MAPK4: variants seen among roughly 807,000 people sequenced by gnomAD.
MAPK4 encodes mitogen-activated protein kinase 4.
Under a neutral mutation model 47.7 loss-of-function variants are expected in MAPK4, and 22 were observed. The observed-to-expected ratio is 0.46, with a 90% CI of 0.33 to 0.66. The LOEUF is 0.66. Ranked by LOEUF, MAPK4 falls within the 30% of genes least tolerant of loss-of-function variation. The pLI is 0.02. For synonymous variants in MAPK4, 390 were observed against 365.7 expected (o/e 1.07, Z -0.76); for missense variants, 736 against 831.7 (o/e 0.88, Z 1.42).
Position 50,729,434 on chromosome 18 carries a change from G to T in MAPK4, c.1344G>T (p.Pro448=). The part of the protein sequence containing the change: ...LDKLLWRDNK[P]HHYSEPKLIL... ...AGCTGCTGTGGCGCGACAACAAGCC[G>T]CACCACTACTCGGAGCCCAAGCTCA... The change falls in exon 6 of 6, where the codon CCG becomes CCT. Residue 448 remains proline (P), a synonymous_variant. Coordinates refer to ENST00000400384, the MANE Select transcript of MAPK4 (RefSeq NM_002747.4). 1.3e-6 allele frequency: 2 copies of T among 1,543,650 alleles called. No homozygotes were observed. The highest frequency in any genetic ancestry group is 1.7e-6 in the Non-Finnish European group (2 of 1,143,092).
At chr18:50,621,017 G>A (rs1299718232) in intron 1 of MAPK4, among the ~76,000 whole-genome samples, 3 of 152,138 alleles carry the variant, frequency 2.0e-5, no homozygotes. Flanking sequence ...GAAAAACAGT[G>A]CTTAACTTTA....
At chr18:50,661,992 G>A (rs1051400026) in intron 1 of MAPK4, among the ~76,000 whole-genome samples, 1 of 152,214 alleles carries the variant, frequency 6.6e-6, no homozygotes, top group Non-Finnish European at 1.5e-5. Flanking sequence ...CAGGCGATCT[G>A]ATTGTTTACT....
intron 1 of MAPK4, among the ~76,000 whole-genome samples, chr18:50,658,084 TG>T (rs1048802415): frequency 1.1e-4 from 17 of 152,012 alleles, no homozygotes; most frequent in African/African-American, 4.1e-4. Context: ...TGATGGAAGG[TG>T]GGGGTGTGGT....
intron 1 of MAPK4, among the ~76,000 whole-genome samples, chr18:50,607,013 C>A (rs2042588613): frequency 6.6e-6 from 1 of 152,210 alleles, no homozygotes; most frequent in Admixed American, 6.5e-5. Context: ...ATAAACCTGG[C>A]AGTGTTAAGC....
At chr18:50,634,384 A>G (rs1436004648) in intron 1 of MAPK4, among the ~76,000 whole-genome samples, 5 of 148,154 alleles carry the variant, frequency 3.4e-5, no homozygotes, top group African/African-American at 1.3e-4. Context: ...GAACAAGGTG[A>G]GGTCAGTTCC....
chr18:50,647,671 C>T (rs1398878135), intron 1 of MAPK4, among the ~76,000 whole-genome samples: 1 of 152,116 alleles, frequency 6.6e-6, no homozygotes, highest in Non-Finnish European at 1.5e-5. Flanking sequence ...TAGTTTATTC[C>T]TTTTTCCACA....
chr18:50,724,807 C>A (rs962341670), intron 4 of MAPK4, among the ~76,000 whole-genome samples: 47 of 152,224 alleles, frequency 3.1e-4, no homozygotes, highest in African/African-American at 1.1e-3. Context: ...GAGGGAGCTC[C>A]TCGGAGGGAT....
At chr18:50,571,766 A>G (rs1018848307) in intron 1 of MAPK4, among the ~76,000 whole-genome samples, 5 of 152,220 alleles carry the variant, frequency 3.3e-5, no homozygotes, top group Non-Finnish European at 7.3e-5. Flanking sequence ...TGCCTTTTCA[A>G]TAACATATGT....
intron 1 of MAPK4, among the ~76,000 whole-genome samples, chr18:50,648,209 A>G (rs2043009723): frequency 6.6e-6 from 1 of 152,026 alleles, no homozygotes; most frequent in Non-Finnish European, 1.5e-5. Flanking sequence ...TGTCAGGGTA[A>G]CATTTCAGCA....
chr18:50,676,119 T>C (rs1908255778), intron 2 of MAPK4, among the ~76,000 whole-genome samples: 1 of 152,208 alleles, frequency 6.6e-6, no homozygotes, highest in Non-Finnish European at 1.5e-5. Flanking sequence ...TACATGAATA[T>C]GGTTGATCTT....
intron 1 of MAPK4, among the ~76,000 whole-genome samples, chr18:50,590,094 T>C (rs1378451940): frequency 6.6e-6 from 1 of 152,198 alleles, no homozygotes; most frequent in Non-Finnish European, 1.5e-5. Context: ...ATCCAGTTCC[T>C]CTATTTCAGT....
chr18:50,639,251 A>G (rs1368358708), intron 1 of MAPK4, among the ~76,000 whole-genome samples: 2 of 152,216 alleles, frequency 1.3e-5, no homozygotes, highest in African/African-American at 4.8e-5. Context: ...AATGGGAGTG[A>G]ACCAAGAAAG....
intron 1 of MAPK4, among the ~76,000 whole-genome samples, chr18:50,660,888 T>C (rs1256851368): frequency 1.3e-5 from 2 of 152,170 alleles, no homozygotes; most frequent in Non-Finnish European, 2.9e-5. Context: ...GCCCCTAAGC[T>C]GACAGCATAT....
intron 2 of MAPK4, among the ~76,000 whole-genome samples, chr18:50,695,161 C>T (rs1469590290): frequency 2.6e-5 from 4 of 151,846 alleles, no homozygotes; most frequent in Non-Finnish European, 4.4e-5. Context: ...GCCTGGCCAA[C>T]GTGATGAAAC....
intron 1 of MAPK4, among the ~76,000 whole-genome samples, chr18:50,634,320 T>TC (rs1005120075): frequency 6.0e-5 from 9 of 151,072 alleles, no homozygotes; most frequent in Admixed American, 1.3e-4. Context: ...TTTTTCTTTT[T>TC]TTTTTTTCCT....
chr18:50,652,464 C>T (rs1431879742), intron 1 of MAPK4, among the ~76,000 whole-genome samples: 1 of 152,048 alleles, frequency 6.6e-6, no homozygotes, highest in Non-Finnish European at 1.5e-5. Context: ...AAGTCAAGAA[C>T]TCTATGAAAT....
intron 1 of MAPK4, among the ~76,000 whole-genome samples, chr18:50,566,868 T>C (rs1027100601): frequency 1.6e-4 from 25 of 152,388 alleles, no homozygotes; most frequent in African/African-American, 5.5e-4. Flanking sequence ...GATCCTGTGA[T>C]ACTTTAATCC....
chr18:50,725,775 A>G (rs1169146471), intron 4 of MAPK4, among the ~76,000 whole-genome samples, 187 bp from the exon 5 acceptor site: 1 of 152,210 alleles, frequency 6.6e-6, no homozygotes, highest in Non-Finnish European at 1.5e-5. Flanking sequence ...CAAAATCTAG[A>G]AGGCAGCATC....
At chr18:50,719,791 T>C (rs1910838627) in intron 3 of MAPK4, among the ~76,000 whole-genome samples, 1 of 152,212 alleles carries the variant, frequency 6.6e-6, no homozygotes, top group South Asian at 2.1e-4. Flanking sequence ...CCACAGTCTA[T>C]TGGCCTCTCA....
Sources: allele counts gnomAD v4.1 joint callset (sites outside exome capture counted in the v4.1 genomes callset), GRCh38; gene constraint gnomAD v4.1.1; transcripts MANE v1.5; gene names NCBI Gene and HGNC (gene_info 2026-07-23, HGNC 2026-07-21).